The following MSANTD7 variants were observed in gnomAD, a reference collection of about 807,000 sequenced individuals.
MSANTD7 encodes zinc finger and SCAN domain containing 29.
At chr10:14,844,124 T>A in the MSANTD7 span, 24 of 1,351,712 alleles carry the variant, frequency 1.8e-5, no homozygotes, top group Non-Finnish European at 2.3e-5. Context: ...TGGAGCCACG[T>A]TCTAGACAGC....
chr10:14,839,737 T>C, the MSANTD7 span, among the ~76,000 whole-genome samples: 3 of 152,214 alleles, frequency 2.0e-5, no homozygotes, highest in African/African-American at 7.2e-5. Context: ...CATGGAATTA[T>C]AGGCTTTCTA....
chr10:14,839,494 G>C, the MSANTD7 span, among the ~76,000 whole-genome samples: 1 of 151,728 alleles, frequency 6.6e-6, no homozygotes, highest in Non-Finnish European at 1.5e-5. Context: ...GAACCCGGGA[G>C]GCGGAAGTTG....
chr10:14,842,044 A>G, the MSANTD7 span: 1 of 926,722 alleles, frequency 1.1e-6, no homozygotes, highest in East Asian at 3.0e-5. This position sits in a 1 kb window ranked among gnomAD's most constrained non-coding sequence, Gnocchi z 5.2. Context: ...ATGCCTGTTT[A>G]TGACCTACTC....
chr10:14,840,749 A>G, the MSANTD7 span, among the ~76,000 whole-genome samples: 1 of 152,248 alleles, frequency 6.6e-6, no homozygotes, highest in Admixed American at 6.5e-5. Flanking sequence ...GATTGCTATA[A>G]TAATTAGGGG....
the MSANTD7 span, chr10:14,843,843 G>T: frequency 6.5e-7 from 1 of 1,536,386 alleles, no homozygotes; most frequent in Non-Finnish European, 8.7e-7. Flanking sequence ...GTGCTTTTCA[G>T]CTAGGCCTTG....
the MSANTD7 span, chr10:14,844,878 AT>A: frequency 1.0e-6 from 1 of 985,088 alleles, no homozygotes; most frequent in Non-Finnish European, 1.2e-6. Context: ...CTTTTCTGTT[AT>A]TTTTTTGTCT....
chr10:14,840,878 A>G, the MSANTD7 span, among the ~76,000 whole-genome samples: 1 of 152,228 alleles, frequency 6.6e-6, no homozygotes, highest in Non-Finnish European at 1.5e-5. Context: ...CAACGCAAAT[A>G]CTATCATTCC....
At chr10:14,841,361 C>T in the MSANTD7 span, 1 of 152,160 alleles carries the variant, frequency 6.6e-6, no homozygotes, top group Non-Finnish European at 1.5e-5. Context: ...AAGCCCAAAT[C>T]ACTGAGCAGC....
At chr10:14,838,902 G>A in the MSANTD7 span, among the ~76,000 whole-genome samples, 2 of 152,308 alleles carry the variant, frequency 1.3e-5, no homozygotes, top group East Asian at 3.9e-4. Context: ...AGGGCCTCAG[G>A]ATTCCCGCGG....
chr10:14,839,994 C>G, the MSANTD7 span: 1 of 1,598,082 alleles, frequency 6.3e-7, no homozygotes, highest in South Asian at 1.1e-5. Flanking sequence ...AGGTACTAGT[C>G]CCCCCATTTT....
At chr10:14,842,686 G>A in the MSANTD7 span, 2 of 1,536,332 alleles carry the variant, frequency 1.3e-6, no homozygotes, top group Non-Finnish European at 1.7e-6. The surrounding 1 kb of genome is among the most constrained non-coding windows in gnomAD (Gnocchi z 5.2). Context: ...CAGGGGAAGA[G>A]GGAACCGGCA....
chr10:14,846,358 T>C, the MSANTD7 span: 1 of 985,382 alleles, frequency 1.0e-6, no homozygotes. Context: ...AAAGGAGTGC[T>C]GAAGAAGAGC....
chr10:14,844,128 A>G, the MSANTD7 span: 2 of 1,345,860 alleles, frequency 1.5e-6, no homozygotes, highest in African/African-American at 3.0e-5. Flanking sequence ...GCCACGTTCT[A>G]GACAGCTGGT....
chr10:14,840,160 A>G, the MSANTD7 span: 1 of 1,323,690 alleles, frequency 7.6e-7, no homozygotes, highest in Non-Finnish European at 1.0e-6. Context: ...GGCAGAAGGT[A>G]TGGAATCAAA....
At chr10:14,842,304 G>T in the MSANTD7 span, 3 of 1,535,916 alleles carry the variant, frequency 2.0e-6, no homozygotes, top group South Asian at 1.2e-5. This position sits in a 1 kb window ranked among gnomAD's most constrained non-coding sequence, Gnocchi z 5.2. Context: ...GCCAATAGCA[G>T]TGCGGGCATC....
chr10:14,845,170 G>A, the MSANTD7 span: 2 of 985,272 alleles, frequency 2.0e-6, no homozygotes, highest in Non-Finnish European at 2.4e-6. Context: ...CCACACTTCC[G>A]ATTTACTCTA....
chr10:14,845,395 G>A, the MSANTD7 span: 1 of 985,216 alleles, frequency 1.0e-6, no homozygotes, highest in Non-Finnish European at 1.2e-6. Flanking sequence ...AATGGACATA[G>A]GTGGAGAAAT....
chr10:14,838,402 C>G, the MSANTD7 span: 3 of 1,603,720 alleles, frequency 1.9e-6, no homozygotes, highest in Non-Finnish European at 1.7e-6. Flanking sequence ...CCTGCTGCCT[C>G]ATGGCGGCCA....
the MSANTD7 span, among the ~76,000 whole-genome samples, chr10:14,839,623 A>G: frequency 3.3e-5 from 5 of 152,108 alleles, no homozygotes; most frequent in Admixed American, 6.6e-5. Flanking sequence ...GAGGTAGGAA[A>G]GGTAACGTAA....
Sources: gnomAD v4.1 joint callset for allele counts (sites outside exome capture counted in the v4.1 genomes callset) on GRCh38, gnomAD v4.1.1 for gene constraint, Gnocchi (gnomAD v3.1) non-coding constraint, MANE v1.5 for transcripts, NCBI Gene and HGNC (gene_info 2026-07-23, HGNC 2026-07-21) for gene names.